The following RNF2 variants were observed in gnomAD, a reference collection of about 807,000 sequenced individuals.
RNF2 encodes the protein ring finger protein 2.
In RNF2, 6 loss-of-function variants were observed where a neutral mutation model predicts 37.2. That is an observed-to-expected ratio of 0.16 (90% CI 0.09 to 0.32). The LOEUF (loss-of-function observed/expected upper bound fraction) is 0.32, where lower values mean the gene tolerates loss of function less well. RNF2 is among the 10% of genes least tolerant of loss of function. The pLI is 1.00. For missense variants in RNF2, 251 were observed against 404.0 expected (o/e 0.62, Z 3.25); for synonymous variants, 133 against 132.7 (o/e 1.00, Z -0.02).
chr1:185,090,153 C>G (rs576414533), intron 2 of RNF2, among the ~76,000 whole-genome samples: 14 of 152,156 alleles, frequency 9.2e-5, no homozygotes, highest in African/African-American at 3.1e-4. Flanking sequence ...AACTTCTGAC[C>G]TTGTGATCCA....
At chr1:185,088,329 T>A (rs1651661595) in intron 2 of RNF2, among the ~76,000 whole-genome samples, 1 of 151,798 alleles carries the variant, frequency 6.6e-6, no homozygotes, top group African/African-American at 2.4e-5. Context: ...AACAGGAGAT[T>A]GAGAGAGAGG....
chr1:185,084,904 C>T (rs1468693105), intron 1 of RNF2, among the ~76,000 whole-genome samples: 3 of 152,108 alleles, frequency 2.0e-5, no homozygotes, highest in Non-Finnish European at 4.4e-5. Flanking sequence ...GATTACCAGT[C>T]TGTTAACCGT....
intron 1 of RNF2, among the ~76,000 whole-genome samples, chr1:185,048,611 A>G (rs1650181706): frequency 6.6e-6 from 1 of 152,232 alleles, no homozygotes; most frequent in Non-Finnish European, 1.5e-5. Flanking sequence ...GCCAAATGAA[A>G]AACATGTAAG....
At chr1:185,057,524 ACCTGTTGTC>A (rs1271702221) in intron 1 of RNF2, among the ~76,000 whole-genome samples, 1 of 152,156 alleles carries the variant, frequency 6.6e-6, no homozygotes, top group African/African-American at 2.4e-5. Context: ...GTAAAGCAGT[ACCTGTTGTC>A]CCCGTAAGTT....
chr1:185,056,689 T>C (rs1380098980), intron 1 of RNF2, among the ~76,000 whole-genome samples: 1 of 136,478 alleles, frequency 7.3e-6, no homozygotes, highest in East Asian at 2.1e-4. Flanking sequence ...ATTTCTTAAA[T>C]GGATTGTTTT....
intron 1 of RNF2, among the ~76,000 whole-genome samples, chr1:185,055,280 T>G (rs1377832632): frequency 6.6e-6 from 1 of 152,220 alleles, no homozygotes. Flanking sequence ...ATCAGAAATG[T>G]TCCAATGAGC....
rs745342055 is a variant in RNF2 at position 185,099,961 on chromosome 1, C to T, written c.908C>T (p.Thr303Ile). 3 of 1,604,474 alleles carry T rather than the reference C, an allele frequency of 1.9e-6. No homozygotes were observed. Among genetic ancestry groups the T allele is most frequent in the Non-Finnish European group, 2.6e-6 (3 of 1,172,804 alleles). ...ATAGCAACAGCCAGTGGCCAGTTCA[C>T]TGTGAGTATTTAAAATAATAGACTG... ...IYIATASGQF[T>I]VLNGSFSLEL... Residue 303 changes from threonine to isoleucine, a missense_variant and splice_region_variant, in exon 6 of 7, where the codon ACT becomes ATT. Thr to Ile is a moderately conservative substitution (Grantham distance 89). This residue lies in a region of RNF2 where 59 missense variants were observed against 69.1 expected (regional missense o/e 0.85). Transcript: ENST00000367510.
intron 1 of RNF2, among the ~76,000 whole-genome samples, chr1:185,051,863 C>A (rs1013888752): frequency 2.0e-5 from 3 of 147,520 alleles, no homozygotes; most frequent in Non-Finnish European, 4.5e-5. Context: ...TATATACATG[C>A]ATATATATAT....
Position 185,091,618 on chromosome 1 carries a change from C to G in RNF2, c.127C>G (p.Arg43Gly). ...TDGLEIVVSP[R>G]SLHSELMCPI... is the part of the protein sequence containing the mutation. ...TGGCTTAGAAATTGTGGTTTCACCT[C>G]GAAGTCTACACAGTGAATTAATGTG... is the stretch of plus-strand genomic sequence containing the variant. Residue 43 changes from arginine to glycine, a missense_variant, in exon 3 of 7, where the codon CGA (arginine) becomes GGA (glycine). Physicochemically the swap from Arg to Gly is moderately radical, Grantham distance 125. Around this residue, in one of 7 missense-constraint regions of RNF2, gnomAD observed 43 missense variants for 82.7 expected, o/e 0.52. Transcript: ENST00000367510. The G allele has an allele frequency of 6.2e-7, 1 of 1,613,998 alleles. No individual in the cohort carries two copies. The highest frequency in any genetic ancestry group is 8.5e-7 in the Non-Finnish European group (1 of 1,180,010).
chr1:185,075,609 T>G (rs1438429721), intron 1 of RNF2, among the ~76,000 whole-genome samples: 1 of 152,162 alleles, frequency 6.6e-6, no homozygotes, highest in East Asian at 1.9e-4. Context: ...GAAACTTACA[T>G]TCATGGTGGA....
chr1:185,061,692 A>G (rs1198667765), intron 1 of RNF2, among the ~76,000 whole-genome samples: 1 of 152,222 alleles, frequency 6.6e-6, no homozygotes, highest in African/African-American at 2.4e-5. Flanking sequence ...CTTAGAAGAT[A>G]AAAGATTAGA....
intron 1 of RNF2, among the ~76,000 whole-genome samples, chr1:185,074,625 A>G (rs1651089888): frequency 6.6e-6 from 1 of 152,114 alleles, no homozygotes; most frequent in Non-Finnish European, 1.5e-5. Flanking sequence ...AAGACCAGAT[A>G]CAGTCTGCCT....
At chr1:185,062,854 G>A (rs1650653898) in intron 1 of RNF2, among the ~76,000 whole-genome samples, 1 of 150,412 alleles carries the variant, frequency 6.6e-6, no homozygotes, top group South Asian at 2.1e-4. Context: ...AAAAGATACT[G>A]TTTCACTCAT....
At chr1:185,085,293 C>T (rs959630803) in intron 1 of RNF2, among the ~76,000 whole-genome samples, 4 of 151,574 alleles carry the variant, frequency 2.6e-5, no homozygotes, top group Admixed American at 6.6e-5. Context: ...GGACTACAGG[C>T]GCCCGCCACC....
chr1:185,045,789 G>GCGCCGC (rs921713916), intron 1 of RNF2, 140 bp downstream of exon 1: 2 of 152,338 alleles, frequency 1.3e-5, no homozygotes, highest in African/African-American at 4.8e-5. Context: ...AAGGGACATG[G>GCGCCGC]CGCCGCCGCC....
At chr1:185,084,059 A>G (rs1651508622) in intron 1 of RNF2, among the ~76,000 whole-genome samples, 1 of 151,922 alleles carries the variant, frequency 6.6e-6, no homozygotes, top group African/African-American at 2.4e-5. Context: ...TTCCAGCCTT[A>G]GCCTCCCAAG....
chr1:185,098,459 G>T (rs914259073), intron 5 of RNF2, 115 bp downstream of exon 5: 3 of 1,201,436 alleles, frequency 2.5e-6, no homozygotes, highest in Admixed American at 4.3e-5. Flanking sequence ...GATTGCAGGG[G>T]TTCAGTTACT....
At chr1:185,083,537 G>A (rs1222171284) in intron 1 of RNF2, among the ~76,000 whole-genome samples, 3 of 152,038 alleles carry the variant, frequency 2.0e-5, no homozygotes, top group South Asian at 2.1e-4. Flanking sequence ...CTCTCCTGCA[G>A]CCTTGAACTC....
chr1:185,097,492 A>G (rs1488234074), intron 4 of RNF2, among the ~76,000 whole-genome samples: 1 of 152,254 alleles, frequency 6.6e-6, no homozygotes, highest in East Asian at 1.9e-4. Flanking sequence ...AAATGATCAG[A>G]ATATAAAGAT....
Sources: allele counts gnomAD v4.1 joint callset (sites outside exome capture counted in the v4.1 genomes callset), GRCh38; gene constraint gnomAD v4.1.1; regional missense constraint gnomAD v4.1.1; transcripts MANE v1.5; gene names NCBI Gene and HGNC (gene_info 2026-07-23, HGNC 2026-07-21).